Variants in PLPPR1 observed in about 807,000 individuals in gnomAD.
PLPPR1 encodes phospholipid phosphatase-related protein type 1.
PLPPR1 carries 10 observed loss-of-function variants against 33.1 expected under a neutral mutation model. That is an observed-to-expected ratio of 0.30 (90% CI 0.19 to 0.51). The LOEUF is 0.51. Ranked by LOEUF, PLPPR1 falls within the 20% of genes least tolerant of loss-of-function variation. The pLI is 0.97. For missense variants in PLPPR1, 304 were observed against 408.1 expected, an observed-to-expected ratio of 0.74 and a Z score of 2.20; for synonymous variants, 151 against 151.0, an observed-to-expected ratio of 1.00 and a Z score of 0.00.
chr9:101,082,732 G>T (rs1233507974), intron 1 of PLPPR1, among the ~76,000 whole-genome samples: 2 of 152,208 alleles, frequency 1.3e-5, no homozygotes, highest in African/African-American at 4.8e-5. Context: ...TTATTCAGGA[G>T]TAAAGATCAT....
chr9:101,249,235 C>G (rs1214005994), intron 2 of PLPPR1, among the ~76,000 whole-genome samples: 1 of 152,108 alleles, frequency 6.6e-6, no homozygotes. Flanking sequence ...GTGTGCCTCT[C>G]TTCTGGAGAA....
intron 4 of PLPPR1, 134 bp downstream of exon 4, chr9:101,286,370 T>G: frequency 1.3e-6 from 1 of 749,868 alleles, no homozygotes; most frequent in East Asian, 2.7e-5. Context: ...CTGATCCTAC[T>G]GCCACATCAA....
rs56760066 is a variant in PLPPR1 at position 101,100,697 on chromosome 9, C to CGTGTGTGTGT, written c.-46+71622_-46+71631dup. ...ATCAGAAACTATTTACTCTTTGTTCCGTGTGTGTGTGTGTGTGTGTGTGTG... is the reference window on the plus strand; with the variant it reads ...ATCAGAAACTATTTACTCTTTGTTCCGTGTGTGTGTGTGTGTGTGTGTGTGTGTGTGTGTG... On this transcript the variant is annotated intron_variant, in intron 1 of 7. Transcript: ENST00000374874. Among the ~76,000 whole-genome samples, 272 of 146,940 alleles carry CGTGTGTGTGT rather than the reference C, an allele frequency of 1.9e-3. 4 individuals are homozygous for CGTGTGTGTGT. The East Asian group carries it at 0.034, about 18-fold the overall frequency.
chr9:101,071,341 C>T (rs1830480224), intron 1 of PLPPR1, among the ~76,000 whole-genome samples: 1 of 152,058 alleles, frequency 6.6e-6, no homozygotes, highest in South Asian at 2.1e-4. Context: ...AAAAGTTAAG[C>T]TGTTTTGAAG....
intron 2 of PLPPR1, among the ~76,000 whole-genome samples, chr9:101,269,146 G>T (rs571288177): frequency 6.6e-6 from 1 of 151,648 alleles, no homozygotes; most frequent in Admixed American, 6.6e-5. Context: ...TCTAAACTTC[G>T]GTGAGTATCT....
intron 1 of PLPPR1, among the ~76,000 whole-genome samples, chr9:101,056,580 G>A (rs991755843): frequency 6.6e-6 from 1 of 152,188 alleles, no homozygotes; most frequent in African/African-American, 2.4e-5. Flanking sequence ...ATGAATGGGT[G>A]TGGTGGCAGT....
intron 3 of PLPPR1, among the ~76,000 whole-genome samples, chr9:101,274,174 T>G (rs1828147680): frequency 6.6e-6 from 1 of 152,224 alleles, no homozygotes; most frequent in Non-Finnish European, 1.5e-5. Flanking sequence ...TTTTCATTCC[T>G]TTGATAATAC....
chr9:101,036,272 T>C (rs1005851137), intron 1 of PLPPR1, among the ~76,000 whole-genome samples: 11 of 152,150 alleles, frequency 7.2e-5, no homozygotes, highest in Middle Eastern at 3.2e-3. Context: ...AGGGCCCTGA[T>C]TGAAAATATT....
intron 2 of PLPPR1, among the ~76,000 whole-genome samples, chr9:101,264,355 T>C (rs1366564811): frequency 1.3e-5 from 2 of 152,030 alleles, no homozygotes; most frequent in Admixed American, 6.6e-5. Flanking sequence ...CCAAAACCAA[T>C]ACCCTAAGCA....
chr9:101,061,495 A>C (rs201546693), intron 1 of PLPPR1, among the ~76,000 whole-genome samples: 1 of 151,966 alleles, frequency 6.6e-6, no homozygotes, highest in African/African-American at 2.4e-5. Context: ...TTTATTATGG[A>C]GCACAAGTCA....
chr9:101,117,853 T>C (rs1451628943), intron 1 of PLPPR1, among the ~76,000 whole-genome samples: 1 of 152,156 alleles, frequency 6.6e-6, no homozygotes, highest in Non-Finnish European at 1.5e-5. Context: ...TCAATAAACA[T>C]TCCTTGATCC....
intron 1 of PLPPR1, among the ~76,000 whole-genome samples, chr9:101,124,594 C>G (rs1023199044): frequency 2.0e-5 from 3 of 152,158 alleles, no homozygotes; most frequent in African/African-American, 7.2e-5. Flanking sequence ...AGCCAGGAGG[C>G]CACTGATAAT....
In PLPPR1 at chr9:101,112,877, AAGAGCCTGTCAATTCACATGGC is replaced by A. The variant is rs1372465701; in HGVS notation, c.-45-72569_-45-72548del. On this transcript the variant is annotated intron_variant, in intron 1 of 7. Transcript: ENST00000374874. ...ATGTCAAAATAAACCCAGCAGAAAC[AAGAGCCTGTCAATTCACATGGC>A]AGACACTGACCATTCAGATGTCTGC... Among the ~76,000 whole-genome samples, 5 of 152,376 alleles carry A rather than the reference AAGAGCCTGTCAATTCACATGGC, an allele frequency of 3.3e-5. No homozygotes were observed. In the South Asian group the frequency reaches 1.0e-3, roughly 32 times the overall value.
chr9:101,275,275 G>A (rs909776995), intron 3 of PLPPR1, among the ~76,000 whole-genome samples: 1 of 152,224 alleles, frequency 6.6e-6, no homozygotes, highest in Non-Finnish European at 1.5e-5. Context: ...ACTGCTGCGC[G>A]TCTGCAGATG....
At chr9:101,073,115 T>A (rs1304313944) in intron 1 of PLPPR1, among the ~76,000 whole-genome samples, 1 of 152,204 alleles carries the variant, frequency 6.6e-6, no homozygotes. Context: ...CTGGGTTAGA[T>A]GATCTGAGCA....
At chr9:101,194,312 G>A (rs566083444) in intron 2 of PLPPR1, among the ~76,000 whole-genome samples, 2 of 152,272 alleles carry the variant, frequency 1.3e-5, no homozygotes, top group African/African-American at 4.8e-5. Context: ...AACTGATATA[G>A]TTGAAGCTCC....
intron 2 of PLPPR1, among the ~76,000 whole-genome samples, chr9:101,194,366 C>G (rs1307683753): frequency 6.6e-6 from 1 of 152,128 alleles, no homozygotes; most frequent in Non-Finnish European, 1.5e-5. Flanking sequence ...CTTTGCCTCT[C>G]CAGTGATCAT....
At chr9:101,284,891 G>A (rs1828365302) in intron 3 of PLPPR1, among the ~76,000 whole-genome samples, 1 of 152,198 alleles carries the variant, frequency 6.6e-6, no homozygotes, top group Non-Finnish European at 1.5e-5. Context: ...CTGGGGAAAT[G>A]TTAAAATTAG....
chr9:101,195,571 T>G (rs552841981), intron 2 of PLPPR1, among the ~76,000 whole-genome samples: 7 of 152,206 alleles, frequency 4.6e-5, no homozygotes, highest in Admixed American at 4.6e-4. Context: ...AAGATTCTAG[T>G]ACTACGTGAG....
Sources: allele counts gnomAD v4.1 joint callset (sites outside exome capture counted in the v4.1 genomes callset), GRCh38; gene constraint gnomAD v4.1.1; transcripts MANE v1.5; gene names NCBI Gene and HGNC (gene_info 2026-07-23, HGNC 2026-07-21).